ADAMTSL1: variants seen among roughly 807,000 people sequenced by gnomAD.
ADAMTSL1 encodes ADAMTS-like protein 1.
Under a neutral mutation model 201.8 loss-of-function variants are expected in ADAMTSL1, and 126 were observed. The ratio of observed to expected loss-of-function variants is 0.62; its 90% CI spans 0.54 to 0.72. ADAMTSL1 has a LOEUF of 0.72. Among genes scored for constraint, ADAMTSL1 ranks in the 30% least tolerant of loss-of-function variants. The pLI is 0.00. For synonymous variants in ADAMTSL1, 1,121 were observed against 903.4 expected, an observed-to-expected ratio of 1.24 and a Z score of -4.32; for missense variants, 2,679 against 2,277.8, an observed-to-expected ratio of 1.18 and a Z score of -3.59.
chr9:18,466,110 A>G (rs1374521816), intron 2 of ADAMTSL1, among the ~76,000 whole-genome samples: 3 of 152,180 alleles, frequency 2.0e-5, no homozygotes, highest in Non-Finnish European at 4.4e-5. Context: ...ACGTTTAAGG[A>G]AGAAGTTTTT....
At chr9:18,001,905 A>G (rs974225858) in intron 1 of ADAMTSL1, among the ~76,000 whole-genome samples, 1 of 151,954 alleles carries the variant, frequency 6.6e-6, no homozygotes, top group Non-Finnish European at 1.5e-5. Context: ...TAGAAACCAG[A>G]TGATGGTGAC....
At chr9:18,472,293 A>G (rs1468372426), upstream of ADAMTSL1, among the ~76,000 whole-genome samples, 1 of 152,244 alleles carries the variant, frequency 6.6e-6, no homozygotes, top group Non-Finnish European at 1.5e-5. Context: ...GTGGAAAGAC[A>G]AAGTTAAGCA....
chr9:18,669,165 T>G (rs1199884465), intron 9 of ADAMTSL1, among the ~76,000 whole-genome samples: 1 of 152,202 alleles, frequency 6.6e-6, no homozygotes, highest in East Asian at 1.9e-4. Context: ...AGTCTGGGTG[T>G]TTGAATTGAC....
At chr9:18,327,728 G>T (rs563573216) in intron 2 of ADAMTSL1, among the ~76,000 whole-genome samples, 3 of 152,268 alleles carry the variant, frequency 2.0e-5, no homozygotes, top group South Asian at 4.1e-4. Flanking sequence ...TAATATAAGG[G>T]TGATTATAAA....
At chr9:18,169,867 G>A (rs1827812133) in intron 2 of ADAMTSL1, among the ~76,000 whole-genome samples, 1 of 151,966 alleles carries the variant, frequency 6.6e-6, no homozygotes, top group African/African-American at 2.4e-5. Flanking sequence ...GATTTTGGAA[G>A]GGTCAGATGT....
At chr9:17,940,922 C>T (rs1689480654) in intron 1 of ADAMTSL1, among the ~76,000 whole-genome samples, 1 of 149,652 alleles carries the variant, frequency 6.7e-6, no homozygotes, top group Admixed American at 6.7e-5. Flanking sequence ...ATTGTTTATG[C>T]CTGCATTACT....
At chr9:18,568,199 A>AT (rs956061749) in intron 3 of ADAMTSL1, among the ~76,000 whole-genome samples, 29 of 150,424 alleles carry the variant, frequency 1.9e-4, no homozygotes, top group East Asian at 7.8e-4. Context: ...TGAAACACTG[A>AT]TTTTTTTTTT....
intron 1 of ADAMTSL1, among the ~76,000 whole-genome samples, chr9:18,030,217 A>G (rs1185025518): frequency 1.3e-5 from 2 of 152,260 alleles, no homozygotes; most frequent in African/African-American, 4.8e-5. Flanking sequence ...CTATGCAGCC[A>G]TAAAAAATGA....
In ADAMTSL1 at chr9:18,526,478, A is replaced by G. The variant is rs561962986; in HGVS notation, c.192-6769A>G. Among the ~76,000 whole-genome samples, 143 of 152,308 alleles carry G rather than the reference A, an allele frequency of 9.4e-4. 1 individual carries two copies. The highest frequency in any genetic ancestry group is 3.4e-3 in the Middle Eastern group (1 of 294). ...TGTTATGTGTGAATTTGATCCTGTC[A>G]TTATGATGTTAGCTGGTTATTTTGC... On this transcript the variant is annotated intron_variant, in intron 2 of 28. Coordinates refer to ENST00000380548, the MANE Select transcript of ADAMTSL1 (RefSeq NM_001040272.6).
At chr9:18,645,958 G>A (rs1407593769) in intron 7 of ADAMTSL1, among the ~76,000 whole-genome samples, 1 of 151,242 alleles carries the variant, frequency 6.6e-6, no homozygotes, top group South Asian at 2.1e-4. Context: ...GGATGGCATT[G>A]AATCTGTAAA....
chr9:18,064,874 A>G (rs777188501), intron 1 of ADAMTSL1, among the ~76,000 whole-genome samples: 8 of 150,348 alleles, frequency 5.3e-5, no homozygotes, highest in Non-Finnish European at 8.9e-5. Flanking sequence ...ACAAAATATT[A>G]TATATAAAGT....
chr9:18,622,118 C>A, intron 4 of ADAMTSL1, 125 bp from the exon 5 acceptor site: 4 of 1,268,726 alleles, frequency 3.2e-6, no homozygotes, highest in Admixed American at 2.3e-5. Context: ...ATTCAGTCCC[C>A]TTCACGGGGT....
At chr9:17,999,024 G>C (rs1019877428) in intron 1 of ADAMTSL1, among the ~76,000 whole-genome samples, 2 of 151,912 alleles carry the variant, frequency 1.3e-5, no homozygotes, top group Admixed American at 1.3e-4. Flanking sequence ...CTCTCTTTGG[G>C]GAAAACATTC....
At chr9:18,356,644 C>T (rs1397961771) in intron 2 of ADAMTSL1, among the ~76,000 whole-genome samples, 2 of 144,332 alleles carry the variant, frequency 1.4e-5, no homozygotes, top group Non-Finnish European at 3.0e-5. Flanking sequence ...CACAACTTTC[C>T]TACTTCATTT....
At chr9:18,188,083 C>T (rs538136395) in intron 2 of ADAMTSL1, among the ~76,000 whole-genome samples, 71 of 152,102 alleles carry the variant, frequency 4.7e-4, no homozygotes, top group African/African-American at 1.6e-3. Context: ...AAATATCATG[C>T]CTGCTCCTTG....
chr9:18,109,205 C>T (rs772836759), intron 1 of ADAMTSL1, among the ~76,000 whole-genome samples: 2 of 152,112 alleles, frequency 1.3e-5, no homozygotes, highest in Non-Finnish European at 2.9e-5. Flanking sequence ...CCTTTACATT[C>T]ATATCTGGCC....
intron 2 of ADAMTSL1, among the ~76,000 whole-genome samples, chr9:18,217,782 T>C (rs764851246): frequency 1.1e-4 from 17 of 152,292 alleles, no homozygotes; most frequent in Non-Finnish European, 2.2e-4. Flanking sequence ...GGAGATGTCC[T>C]AGAAATGCGG....
chr9:17,988,874 G>T (rs751850407), intron 1 of ADAMTSL1, among the ~76,000 whole-genome samples: 1 of 151,772 alleles, frequency 6.6e-6, no homozygotes, highest in Non-Finnish European at 1.5e-5. Flanking sequence ...TTCTCAACTT[G>T]TTTTTTCATT....
intron 2 of ADAMTSL1, among the ~76,000 whole-genome samples, chr9:18,388,566 G>A (rs1837903108): frequency 6.6e-6 from 1 of 150,792 alleles, no homozygotes; most frequent in African/African-American, 2.4e-5. Context: ...GAGCCACCAT[G>A]TTCGGCCTGG....
Sources: gnomAD v4.1 joint callset for allele counts (sites outside exome capture counted in the v4.1 genomes callset) on GRCh38, gnomAD v4.1.1 for gene constraint, MANE v1.5 for transcripts, NCBI Gene and HGNC (gene_info 2026-07-23, HGNC 2026-07-21) for gene names.